The following AGBL4 variants were observed in gnomAD, a reference collection of about 807,000 sequenced individuals.
The protein encoded by AGBL4 is cytosolic carboxypeptidase 6.
AGBL4 carries 58 observed loss-of-function variants against 66.4 expected under a neutral mutation model. That is an observed-to-expected ratio of 0.87 (90% CI 0.71 to 1.09). The LOEUF (loss-of-function observed/expected upper bound fraction) is 1.09, where lower values mean the gene tolerates loss of function less well. Among genes scored for constraint, AGBL4 ranks in the 50% least tolerant of loss-of-function variants. The pLI is 0.00. For missense variants in AGBL4, 579 were observed against 631.0 expected (o/e 0.92, Z 0.88); for synonymous variants, 234 against 222.9 (o/e 1.05, Z -0.44).
At chr1:49,662,014 C>T (rs1261205960) in intron 3 of AGBL4, among the ~76,000 whole-genome samples, 2 of 151,646 alleles carry the variant, frequency 1.3e-5, no homozygotes, top group Non-Finnish European at 2.9e-5. Context: ...CATGTAACAA[C>T]AAAAATAAAT....
intron 5 of AGBL4, among the ~76,000 whole-genome samples, chr1:48,877,892 A>T (rs1428737941): frequency 6.6e-6 from 1 of 152,192 alleles, no homozygotes. Flanking sequence ...CAACTGGACA[A>T]GTCCTAGCTT....
chr1:49,616,982 T>C (rs1339133253), intron 3 of AGBL4, among the ~76,000 whole-genome samples: 3 of 152,190 alleles, frequency 2.0e-5, no homozygotes, highest in Admixed American at 2.0e-4. Context: ...TTTATTCTTC[T>C]ATTGTACATT....
chr1:48,665,564 A>T (rs1646173053), intron 6 of AGBL4, among the ~76,000 whole-genome samples: 1 of 152,198 alleles, frequency 6.6e-6, no homozygotes, highest in Admixed American at 6.5e-5. Flanking sequence ...GGACATGCCC[A>T]AGGTCATTCA....
chr1:49,754,573 C>G (rs1476990890), intron 2 of AGBL4, among the ~76,000 whole-genome samples: 2 of 152,136 alleles, frequency 1.3e-5, no homozygotes, highest in Non-Finnish European at 2.9e-5. Context: ...AACTTTGTCC[C>G]AGAGGGGCAC....
chr1:50,005,609 A>G (rs1411539377), intron 1 of AGBL4, among the ~76,000 whole-genome samples: 1 of 152,226 alleles, frequency 6.6e-6, no homozygotes, highest in Non-Finnish European at 1.5e-5. Context: ...ACAAACATCT[A>G]CAAGCATCAA....
chr1:49,611,635 C>T (rs1408309157), intron 3 of AGBL4, among the ~76,000 whole-genome samples: 1 of 152,088 alleles, frequency 6.6e-6, no homozygotes, highest in Non-Finnish European at 1.5e-5. Flanking sequence ...CCTCGGCCTC[C>T]CAAAGTACTG....
intron 5 of AGBL4, among the ~76,000 whole-genome samples, chr1:48,948,463 A>G (rs185280770): frequency 6.6e-6 from 1 of 152,068 alleles, no homozygotes; most frequent in East Asian, 1.9e-4. Context: ...CTGCTTTCAG[A>G]TTTCTTCTGA....
intron 5 of AGBL4, among the ~76,000 whole-genome samples, chr1:48,897,564 C>T (rs1018179983): frequency 6.6e-6 from 1 of 152,154 alleles, no homozygotes; most frequent in East Asian, 1.9e-4. Context: ...TACTGTTCTT[C>T]ATAGTGGTTG....
intron 6 of AGBL4, among the ~76,000 whole-genome samples, chr1:48,810,698 T>C (rs369659642): frequency 6.6e-6 from 1 of 152,192 alleles, no homozygotes; most frequent in South Asian, 2.1e-4. Context: ...AAATGAACTT[T>C]ACTGTGATGA....
chr1:49,386,986 C>G (rs1404634720), intron 3 of AGBL4, among the ~76,000 whole-genome samples: 5 of 151,790 alleles, frequency 3.3e-5, no homozygotes, highest in Non-Finnish European at 5.9e-5. Flanking sequence ...ACAGTAGATA[C>G]TATATAGAGG....
chr1:49,723,192 T>C (rs531254490), intron 2 of AGBL4, among the ~76,000 whole-genome samples: 1 of 152,246 alleles, frequency 6.6e-6, no homozygotes. Flanking sequence ...GAGCCTCTCC[T>C]TTGTTTTCCC....
intron 2 of AGBL4, among the ~76,000 whole-genome samples, chr1:49,761,993 G>A (rs1362812342): frequency 6.6e-6 from 1 of 151,968 alleles, no homozygotes; most frequent in Non-Finnish European, 1.5e-5. Flanking sequence ...GCATACTTGG[G>A]TCAATCCCAC....
intron 1 of AGBL4, among the ~76,000 whole-genome samples, chr1:49,993,965 T>C (rs755962003): frequency 6.6e-6 from 1 of 152,240 alleles, no homozygotes; most frequent in Non-Finnish European, 1.5e-5. Flanking sequence ...TAAGCTCCAC[T>C]ATCACCATAA....
intron 3 of AGBL4, among the ~76,000 whole-genome samples, chr1:49,345,988 T>C (rs1181389805): frequency 1.3e-5 from 2 of 152,156 alleles, no homozygotes; most frequent in African/African-American, 4.8e-5. Context: ...AGCTCAAAGC[T>C]TAAAAAGTTT....
At chr1:49,011,822 A>C (rs1284093029) in intron 5 of AGBL4, among the ~76,000 whole-genome samples, 2 of 142,654 alleles carry the variant, frequency 1.4e-5, no homozygotes, top group African/African-American at 5.2e-5. Context: ...ATAGGTGGGA[A>C]TTGAACAATG....
At chr1:49,892,811 T>A (rs2148170784) in intron 1 of AGBL4, among the ~76,000 whole-genome samples, 1 of 152,344 alleles carries the variant, frequency 6.6e-6, no homozygotes, top group Non-Finnish European at 1.5e-5. Flanking sequence ...GTTTCATACT[T>A]GCTCTTACCT....
intron 1 of AGBL4, among the ~76,000 whole-genome samples, chr1:49,915,672 G>T (rs529414605): frequency 6.6e-6 from 1 of 152,182 alleles, no homozygotes. Context: ...GGGCATAGCC[G>T]AACAAAAGGC....
chr1:48,822,335 A>G (rs1162895545), intron 6 of AGBL4, among the ~76,000 whole-genome samples: 1 of 152,246 alleles, frequency 6.6e-6, no homozygotes, highest in Non-Finnish European at 1.5e-5. Flanking sequence ...ATGGAATGCT[A>G]AAGAAGACTA....
intron 5 of AGBL4, among the ~76,000 whole-genome samples, chr1:49,039,510 GAA>G (rs1466347059): frequency 2.0e-5 from 3 of 152,016 alleles, no homozygotes; most frequent in Admixed American, 6.6e-5. Context: ...TTCTAAAAAA[GAA>G]AAGAGTATAT....
Sources: gnomAD v4.1 joint callset for allele counts (sites outside exome capture counted in the v4.1 genomes callset) on GRCh38, gnomAD v4.1.1 for gene constraint, MANE v1.5 for transcripts, NCBI Gene and HGNC (gene_info 2026-07-23, HGNC 2026-07-21) for gene names.